PIEZO2: variants seen among roughly 807,000 people sequenced by gnomAD.
PIEZO2 encodes piezo type mechanosensitive ion channel component 2.
PIEZO2 carries 172 observed loss-of-function variants against 337.3 expected under a neutral mutation model. The observed-to-expected ratio is 0.51, with a 90% CI of 0.45 to 0.58. The LOEUF is 0.58. Among genes scored for constraint, PIEZO2 ranks in the 20% least tolerant of loss-of-function variants. The probability of loss-of-function intolerance (pLI) is 0.00; values close to 1 mark genes in which losing one functional copy is unlikely to be tolerated. For missense variants in PIEZO2, 3,028 were observed against 3,391.3 expected, an observed-to-expected ratio of 0.89 and a Z score of 2.66; for synonymous variants, 1,251 against 1,228.5, an observed-to-expected ratio of 1.02 and a Z score of -0.38.
At chr18:10,901,682 A>C (rs2043052762) in intron 4 of PIEZO2, among the ~76,000 whole-genome samples, 1 of 152,182 alleles carries the variant, frequency 6.6e-6, no homozygotes, top group Non-Finnish European at 1.5e-5. Flanking sequence ...GAGTTTAATA[A>C]AACTGATGAA....
intron 7 of PIEZO2, among the ~76,000 whole-genome samples, chr18:10,848,835 C>T (rs1175932766): frequency 6.6e-6 from 1 of 152,086 alleles, no homozygotes; most frequent in African/African-American, 2.4e-5. Context: ...CTATAGGTTC[C>T]AAGTGTTTAC....
intron 2 of PIEZO2, among the ~76,000 whole-genome samples, chr18:11,014,161 C>A (rs1487087756): frequency 6.6e-6 from 1 of 151,060 alleles, no homozygotes; most frequent in East Asian, 2.0e-4. Context: ...CAATCCAGGG[C>A]CCCCTCATTC....
At chr18:11,114,534 G>A (rs1440365981) in intron 1 of PIEZO2, among the ~76,000 whole-genome samples, 3 of 152,122 alleles carry the variant, frequency 2.0e-5, no homozygotes, top group Admixed American at 1.3e-4. Context: ...GTGTGGTGGT[G>A]TGCACCTGTA....
rs1349514600 is a variant in PIEZO2 at position 10,773,538 on chromosome 18, G to A, written c.2659C>T (p.Pro887Ser). 3.3e-6 allele frequency: 5 copies of A among 1,537,382 alleles called. No individual in the cohort carries two copies. In the South Asian group the frequency reaches 5.9e-5, roughly 18 times the overall value. The stretch of plus-strand genomic sequence containing the variant: ...TAGCCCTCAAGCTTCTCCTCCCCAG[G>A]CTCAGCCAACTTCCTCACCTCCGGC... ...EKPEVRKLAE[P>S]GEEKLEGYSE... is the part of the protein sequence containing the mutation. Residue 887 changes from proline to serine, a missense_variant, in exon 20 of 56, where the codon CCT becomes TCT. Pro to Ser is a moderately conservative substitution (Grantham distance 74). Transcript: ENST00000674853. The surrounding 1 kb of genome is among the most constrained non-coding windows in gnomAD (Gnocchi z 5.3).
rs543234353 is a variant in PIEZO2, at chr18:10,865,818, G to A, written c.492+5435C>T. ...TGGAGTTGGGATGGATAGCATGAGG[G>A]GTGGGACTCTGGTTCCTTTCATCTC... is the stretch of plus-strand genomic sequence containing the variant. On this transcript the variant is annotated intron_variant, in intron 5 of 55. Coordinates refer to ENST00000674853, the MANE Select transcript of PIEZO2 (RefSeq NM_001378183.1). 5.9e-5 allele frequency among the ~76,000 whole-genome samples: 9 copies of A among 152,226 alleles called. No individual in the cohort carries two copies. In the South Asian group the frequency reaches 1.9e-3, roughly 32 times the overall value.
Position 10,677,721 on chromosome 18 carries a change from C to G in PIEZO2, c.8081+26G>C. On this transcript the variant is annotated intron_variant, in intron 53 of 55. Transcript: ENST00000674853. This position sits in a 1 kb window ranked among gnomAD's most constrained non-coding sequence, Gnocchi z 4.1. Reference sequence around the variant, plus strand: ...CCAGCTGCATATACCTAACAAAGCTCTATTAGTAGGAAAAAATACACTTAC... The same window carrying G: ...CCAGCTGCATATACCTAACAAAGCTGTATTAGTAGGAAAAAATACACTTAC... The G allele has an allele frequency of 3.1e-6, 5 of 1,604,248 alleles. No homozygotes were observed. Among genetic ancestry groups the G allele is most frequent in the Non-Finnish European group, 4.2e-6 (5 of 1,177,470 alleles).
chr18:10,675,157 G>A (rs2033937571), intron 54 of PIEZO2, 52 bp downstream of exon 54: 2 of 1,291,358 alleles, frequency 1.5e-6, no homozygotes, highest in South Asian at 2.6e-5. Flanking sequence ...TGTTGAAATT[G>A]AATAAAACTA....
chr18:10,787,040 C>G lies in PIEZO2; in HGVS notation c.2314G>C (p.Glu772Gln). ...LWQNMTGLKK[E>Q]KLEDLGLKQF... ...TTTCAACTCAAAATCACTTACTTTTCTTTTTTCAGTCCAGTCATATTTTGC... is the reference window on the plus strand; with the variant it reads ...TTTCAACTCAAAATCACTTACTTTTGTTTTTTCAGTCCAGTCATATTTTGC... Residue 772 changes from glutamate (E) to glutamine (Q), a missense_variant, in exon 16 of 56, where the codon GAA (glutamate) becomes CAA (glutamine). By Grantham distance (29) the Glu-to-Gln change is conservative. This residue lies in a region of PIEZO2 where 1,925 missense variants were observed against 2,051.9 expected (regional missense o/e 0.94). Coordinates refer to ENST00000674853, the MANE Select transcript of PIEZO2 (RefSeq NM_001378183.1). 6.5e-7 allele frequency: 1 copy of G among 1,529,360 alleles called. No individual in the cohort carries two copies. The highest frequency in any genetic ancestry group is 8.7e-7 in the Non-Finnish European group (1 of 1,143,322). The allele number at this position is 1,529,360 out of a possible 1,614,324, so 94.7% of individuals were successfully genotyped here.
chr18:11,068,810 A>C lies in PIEZO2; in HGVS notation c.65-2588T>G, dbSNP rs903751988. ...CTCAGAAGAAGACAGAAGATGCAAA[A>C]AATTAAGATTAGAAATGAAAGAGGA... is the stretch of plus-strand genomic sequence containing the variant. On this transcript the variant is annotated intron_variant, in intron 1 of 55. Transcript: ENST00000674853. Among the ~76,000 whole-genome samples, 7 of 152,168 alleles carry C rather than the reference A, an allele frequency of 4.6e-5. No individual in the cohort carries two copies. The East Asian group carries it at 1.3e-3, about 29-fold the overall frequency.
intron 3 of PIEZO2, among the ~76,000 whole-genome samples, chr18:10,913,390 C>A (rs989821565): frequency 6.6e-6 from 1 of 152,070 alleles, no homozygotes; most frequent in African/African-American, 2.4e-5. Flanking sequence ...GTGGAGGGTC[C>A]CCGGAGGGAA....
At position 11,032,086 on chromosome 18, in the gene PIEZO2, C is replaced by G. The variant is rs1333503992; in HGVS notation, c.160+34041G>C. The stretch of plus-strand genomic sequence containing the variant: ...ACCATTTTTCAGGACCTGCCATGTA[C>G]CAAAGCGTGTGCTACATGGCCCCAA... On this transcript the variant is annotated intron_variant, in intron 2 of 55. Coordinates refer to ENST00000674853, the MANE Select transcript of PIEZO2 (RefSeq NM_001378183.1). This position sits in a 1 kb window ranked among gnomAD's most constrained non-coding sequence, Gnocchi z 4.9. Among the ~76,000 whole-genome samples the G allele has an allele frequency of 6.6e-6, 1 of 152,110 alleles. No individual in the cohort carries two copies. Among genetic ancestry groups the G allele is most frequent in the African/African-American group, 2.4e-5 (1 of 41,418 alleles).
chr18:11,079,468 T>C (rs76255768), intron 1 of PIEZO2, among the ~76,000 whole-genome samples: 2,395 of 152,288 alleles, frequency 0.016, 31 homozygotes, highest in Middle Eastern at 0.037. Flanking sequence ...AGCAACAACG[T>C]ACCCTTTTAA....
At position 11,053,485 on chromosome 18, in the gene PIEZO2, G is replaced by C. The variant is rs531738107; in HGVS notation, c.160+12642C>G. On this transcript the variant is annotated intron_variant, in intron 2 of 55. Transcript: ENST00000674853. ...AAAAATTTATTAGAGACAGGGTTTC[G>C]CAACATTGCCTAGACTGGCCTCCTG... Among the ~76,000 whole-genome samples the C allele has an allele frequency of 2.6e-5, 4 of 152,232 alleles. 1 individual carries two copies. The highest frequency in any genetic ancestry group is 6.8e-3 in the Middle Eastern group (2 of 294).
rs993910344 is a variant in PIEZO2 at position 11,116,719 on chromosome 18, A to T, written c.64+31806T>A. Among the ~76,000 whole-genome samples the T allele has an allele frequency of 6.6e-6, 1 of 150,870 alleles. No homozygotes were observed. Among genetic ancestry groups the T allele is most frequent in the Non-Finnish European group, 1.5e-5 (1 of 67,984 alleles). On this transcript the variant is annotated intron_variant, in intron 1 of 55. Coordinates refer to ENST00000674853, the MANE Select transcript of PIEZO2 (RefSeq NM_001378183.1). This position sits in a 1 kb window ranked among gnomAD's most constrained non-coding sequence, Gnocchi z 5.0. The stretch of plus-strand genomic sequence containing the variant: ...GACAGAACGAGACTCCGTCTCAAAA[A>T]AAACAAAGAAAAAAAAAAATCATTC...
chr18:11,023,878 C>T (rs1188422817), intron 2 of PIEZO2, among the ~76,000 whole-genome samples: 1 of 152,208 alleles, frequency 6.6e-6, no homozygotes, highest in Admixed American at 6.5e-5. Flanking sequence ...GCCTCCGCAG[C>T]CGCTGGCCCG....
chr18:10,888,512 G>C lies in PIEZO2; in HGVS notation c.330-17097C>G, dbSNP rs2042671017. Among the ~76,000 whole-genome samples, 1 of 152,042 alleles carries C rather than the reference G, an allele frequency of 6.6e-6. No homozygotes were observed. The highest frequency in any genetic ancestry group is 6.6e-5 in the Admixed American group (1 of 15,260). ...CACTTGGAGTAGCATTGTTACGGGG[G>C]CGACATTGCTTCTGGGTCCTCTTAT... On this transcript the variant is annotated intron_variant, in intron 4 of 55. Coordinates refer to ENST00000674853, the MANE Select transcript of PIEZO2 (RefSeq NM_001378183.1). The surrounding 1 kb of genome is among the most constrained non-coding windows in gnomAD (Gnocchi z 4.1).
At chr18:10,897,243 G>A (rs747920227) in intron 4 of PIEZO2, among the ~76,000 whole-genome samples, 2 of 151,710 alleles carry the variant, frequency 1.3e-5, no homozygotes, top group Non-Finnish European at 2.9e-5. Flanking sequence ...CTGAAGTGCA[G>A]TGGTGCAACC....
Position 11,127,680 on chromosome 18 carries a change from C to T in PIEZO2, c.64+20845G>A, listed in dbSNP as rs555924741. Reference sequence around the variant, plus strand: ...ATGTAAGTTAATACTTAATAAACTCCCCTTTATATATATATACATATATAT... The same window carrying T: ...ATGTAAGTTAATACTTAATAAACTCTCCTTTATATATATATACATATATAT... On this transcript the variant is annotated intron_variant, in intron 1 of 55. Transcript: ENST00000674853. This position sits in a 1 kb window ranked among gnomAD's most constrained non-coding sequence, Gnocchi z 4.5. Among the ~76,000 whole-genome samples, 2 of 151,330 alleles carry T rather than the reference C, an allele frequency of 1.3e-5. No individual in the cohort carries two copies. The highest frequency in any genetic ancestry group is 2.9e-5 in the Non-Finnish European group (2 of 67,932).
At chr18:11,086,754 T>A (rs1289902292) in intron 1 of PIEZO2, among the ~76,000 whole-genome samples, 1 of 105,058 alleles carries the variant, frequency 9.5e-6, no homozygotes, top group East Asian at 2.9e-4. Context: ...ATAAATAATT[T>A]CGGGTTTTTT....
Sources: allele counts gnomAD v4.1 joint callset (sites outside exome capture counted in the v4.1 genomes callset), GRCh38; gene constraint gnomAD v4.1.1; regional missense constraint gnomAD v4.1.1; non-coding constraint Gnocchi (gnomAD v3.1); transcripts MANE v1.5; gene names NCBI Gene and HGNC (gene_info 2026-07-23, HGNC 2026-07-21).